The following CPLANE1 variants were observed in gnomAD, a reference collection of about 807,000 sequenced individuals.
CPLANE1 encodes ciliogenesis and planar polarity effector complex subunit 1, also known as ciliogenesis and planar polarity effector 1.
A neutral mutation model predicts 362.5 loss-of-function variants in CPLANE1; 263 were observed. That is an observed-to-expected ratio of 0.73 (90% confidence interval 0.66 to 0.80). CPLANE1 has a LOEUF of 0.80. Ranked by LOEUF, CPLANE1 falls within the 30% of genes least tolerant of loss-of-function variation. The pLI is 0.00. For missense variants in CPLANE1, 3,461 were observed against 3,793.4 expected (o/e 0.91, Z 2.30); for synonymous variants, 1,212 against 1,302.6 (o/e 0.93, Z 1.50).
At chr5:37,219,462 A>C (rs1433141284) in intron 15 of CPLANE1, among the ~76,000 whole-genome samples, 2 of 152,074 alleles carry the variant, frequency 1.3e-5, no homozygotes, top group African/African-American at 4.8e-5. Flanking sequence ...CAGGAGGCAA[A>C]GGTTGCAGTA....
rs1425342011 is a variant in CPLANE1, at chr5:37,167,191, G to T, written c.7256C>A (p.Pro2419Gln). The T allele has an allele frequency of 6.2e-7, 1 of 1,609,508 alleles. No homozygotes were observed. The highest frequency in any genetic ancestry group is 8.5e-7 in the Non-Finnish European group (1 of 1,179,042). Reference protein sequence around the residue: ...ENRCKKTQLIPLENLIAFKQS... With the variant: ...ENRCKKTQLIQLENLIAFKQS... ...TTTAAACGCAATGAGGTTTTCAAGT[G>T]GGATAAGTTGTGTTTTTTTGCACTA... Residue 2419 changes from proline to glutamine, a missense_variant, in exon 35 of 53, where the codon CCA (proline) becomes CAA (glutamine). Pro to Gln is a moderately conservative substitution (Grantham distance 76). This residue lies in a region of CPLANE1 where 3,380 missense variants were observed against 3,666.1 expected (regional missense o/e 0.92). Transcript: ENST00000651892.
At chr5:37,137,797 C>A (rs1768197008) in intron 46 of CPLANE1, among the ~76,000 whole-genome samples, 2 of 152,138 alleles carry the variant, frequency 1.3e-5, no homozygotes, top group African/African-American at 4.8e-5. Flanking sequence ...GGCAAACTGT[C>A]CCCATGATTC....
At chr5:37,123,009 A>T (rs1204025815) in intron 47 of CPLANE1, among the ~76,000 whole-genome samples, 2 of 152,224 alleles carry the variant, frequency 1.3e-5, no homozygotes, top group African/African-American at 2.4e-5. Flanking sequence ...CTGCACTAAA[A>T]ATGGAAAGTA....
chr5:37,201,902 T>C (rs1382526690), intron 18 of CPLANE1, 94 bp from the exon 19 acceptor site: 13 of 788,630 alleles, frequency 1.6e-5, no homozygotes, highest in South Asian at 5.5e-5. Context: ...AAAACATTCA[T>C]TGTCAAGAAT....
In CPLANE1 at chr5:37,186,409, T is replaced by A. The variant is rs370675686; in HGVS notation, c.4081-15A>T. The A allele has an allele frequency of 8.4e-7, 1 of 1,188,222 alleles. No homozygotes were observed. Among genetic ancestry groups the A allele is most frequent in the Non-Finnish European group, 1.2e-6 (1 of 800,772 alleles). 73.6% of individuals were successfully genotyped at this position (1,188,222 alleles called of 1,614,324 possible). On this transcript the variant is annotated splice_polypyrimidine_tract_variant and intron_variant, in intron 23 of 52. Transcript: ENST00000651892. ...ATTTCTGCTACCTTCAGAAAAAAAATTGTTTAAGTTTTATGAGAAACATCA... is the reference window on the plus strand; with the variant it reads ...ATTTCTGCTACCTTCAGAAAAAAAAATGTTTAAGTTTTATGAGAAACATCA...
chr5:37,201,875 A>C, intron 18 of CPLANE1, 67 bp from the exon 19 acceptor site: 2 of 1,088,502 alleles, frequency 1.8e-6, no homozygotes, highest in Non-Finnish European at 2.6e-6. Context: ...ATTTTGTAGG[A>C]AAAAATTTCA....
chr5:37,239,910 A>T (rs1389658264), intron 6 of CPLANE1, 41 bp from the exon 7 acceptor site: 6 of 1,366,218 alleles, frequency 4.4e-6, no homozygotes, highest in Non-Finnish European at 5.8e-6. Flanking sequence ...AAGGTATAGT[A>T]ACTTTTAAAT....
At position 37,141,392 on chromosome 5, in the gene CPLANE1, A is replaced by G. The variant is rs1426012266; in HGVS notation, c.8632+918T>C. 26 of 985,306 alleles carry G rather than the reference A, an allele frequency of 2.6e-5. 1 individual carries two copies. In the South Asian group the frequency reaches 8.0e-4, roughly 30 times the overall value. The allele number at this position is 985,306 out of a possible 1,614,324, so 61.0% of individuals were successfully genotyped here. ...CTATCAGTGACCAAGAAAATAAAAC[A>G]AGATTCTCAGATGCTTTATATATGA... On this transcript the variant is annotated intron_variant, in intron 44 of 52. Coordinates refer to ENST00000651892, the MANE Select transcript of CPLANE1 (RefSeq NM_001384732.1).
intron 5 of CPLANE1, among the ~76,000 whole-genome samples, chr5:37,243,922 C>T: frequency 6.6e-6 from 1 of 150,836 alleles, no homozygotes; most frequent in African/African-American, 2.4e-5. Context: ...ACGATCTCGG[C>T]TCACTGCAAC....
rs116648820 is a variant in CPLANE1 at position 37,170,476 on chromosome 5, C to G, written c.6172-145G>C. On this transcript the variant is annotated intron_variant, in intron 32 of 52. Transcript: ENST00000651892. ...TCATGAATGCTGAGCAGGAGGCAGT[C>G]AGGGAAATTTTTTTTTTTTTTAAAG... 8.1e-4 allele frequency: 680 copies of G among 844,688 alleles called. 1 individual carries two copies. The African/African-American group carries it at 1.0e-2, about 12-fold the overall frequency. 52.3% of individuals were successfully genotyped at this position (844,688 alleles called of 1,614,324 possible).
chr5:37,121,608 T>G lies in CPLANE1; in HGVS notation c.9185+9A>C. ...ATCTTGCCAAATGGCATGTGAAACC[T>G]TGTCTTACCCTCTTGGAGAAGGGCA... On this transcript the variant is annotated intron_variant, in intron 49 of 52. Transcript: ENST00000651892. 6.2e-7 allele frequency: 1 copy of G among 1,613,652 alleles called. No homozygotes were observed. The highest frequency in any genetic ancestry group is 1.7e-5 in the Admixed American group (1 of 59,982).
chr5:37,171,809 C>T (rs187907849), intron 32 of CPLANE1, among the ~76,000 whole-genome samples: 4 of 150,422 alleles, frequency 2.7e-5, no homozygotes, highest in African/African-American at 4.9e-5. Flanking sequence ...ATCTAAAAGA[C>T]AAGGTCTCAC....
chr5:37,209,123 C>T lies in CPLANE1; in HGVS notation c.2921-2698G>A, dbSNP rs16903532. Among the ~76,000 whole-genome samples the T allele has an allele frequency of 0.017, 2,544 of 152,246 alleles. 75 individuals are homozygous for T. Among genetic ancestry groups the T allele is most frequent in the African/African-American group, 0.059 (2,447 of 41,516 alleles). On this transcript the variant is annotated intron_variant, in intron 16 of 52. Transcript: ENST00000651892. This position sits in a 1 kb window ranked among gnomAD's most constrained non-coding sequence, Gnocchi z 4.6. Reference sequence around the variant, plus strand: ...CCGCCTTTGATTCGTGACTGGGTCACGGTCCTCACTCATTCCTCAGAACCG... The same window carrying T: ...CCGCCTTTGATTCGTGACTGGGTCATGGTCCTCACTCATTCCTCAGAACCG...
chr5:37,164,372 G>A (rs1022601317), intron 36 of CPLANE1, 45 bp from the exon 37 acceptor site: 39 of 1,449,062 alleles, frequency 2.7e-5, no homozygotes, highest in Non-Finnish European at 3.7e-5. Context: ...ACTCAAAGAT[G>A]TGTATTATTT....
intron 23 of CPLANE1, among the ~76,000 whole-genome samples, chr5:37,186,942 T>TC (rs1219850247): frequency 6.6e-6 from 1 of 151,452 alleles, no homozygotes; most frequent in African/African-American, 2.4e-5. Context: ...GAGCCTGTGG[T>TC]CCCAGCTGCT....
Position 37,161,976 on chromosome 5 carries a change from A to G in CPLANE1, c.7690+489T>C, listed in dbSNP as rs370960823. 8.5e-5 allele frequency among the ~76,000 whole-genome samples: 13 copies of G among 152,372 alleles called. 1 individual carries two copies. The South Asian group carries it at 2.7e-3, about 32-fold the overall frequency. On this transcript the variant is annotated intron_variant, in intron 38 of 52. Coordinates refer to ENST00000651892, the MANE Select transcript of CPLANE1 (RefSeq NM_001384732.1). The stretch of plus-strand genomic sequence containing the variant: ...CTGTGATAACAATGGGTAGAGCACT[A>G]TTCAAGATGCTATTCATAATGATAA...
At chr5:37,176,223 TCAGCAATGAAAACAA>T in intron 30 of CPLANE1, 1 of 362,106 alleles carries the variant, frequency 2.8e-6, no homozygotes, top group Non-Finnish European at 5.0e-6. Context: ...GGCTGACTGC[TCAGCAATGAAAACAA>T]CAGAACCCAA....
the CPLANE1 span, among the ~76,000 whole-genome samples, chr5:37,100,483 C>T: frequency 6.6e-6 from 1 of 152,076 alleles, no homozygotes; most frequent in African/African-American, 2.4e-5. Flanking sequence ...TGTTTCTGTC[C>T]AAGTACCATG....
chr5:37,198,924 A>G (rs1365898323), intron 19 of CPLANE1, 58 bp from the exon 20 acceptor site: 3 of 1,509,736 alleles, frequency 2.0e-6, no homozygotes, highest in Non-Finnish European at 2.7e-6. Flanking sequence ...TTAGAATGTT[A>G]AAATGAAAAT....
Sources: gnomAD v4.1 joint callset for allele counts (sites outside exome capture counted in the v4.1 genomes callset) on GRCh38, gnomAD v4.1.1 for gene constraint, gnomAD v4.1.1 regional missense constraint, Gnocchi (gnomAD v3.1) non-coding constraint, MANE v1.5 for transcripts, NCBI Gene and HGNC (gene_info 2026-07-23, HGNC 2026-07-21) for gene names.